SEM1: variants seen among roughly 807,000 people sequenced by gnomAD.
SEM1 encodes SEM1 26S proteasome subunit, also known as 26S proteasome complex subunit SEM1.
SEM1 carries 3 observed loss-of-function variants against 12.7 expected under a neutral mutation model. That is an observed-to-expected ratio of 0.24 (90% CI 0.11 to 0.61). SEM1 has a LOEUF of 0.61. Among genes scored for constraint, SEM1 ranks in the 20% least tolerant of loss-of-function variants. The pLI is 0.88. For missense variants in SEM1, 59 were observed against 81.3 expected (o/e 0.73, Z 1.06); for synonymous variants, 30 against 27.8 (o/e 1.08, Z -0.25).
chr7:96,608,483 G>A (rs1301226836), intron 2 of SEM1, among the ~76,000 whole-genome samples: 1 of 152,026 alleles, frequency 6.6e-6, no homozygotes, highest in African/African-American at 2.4e-5. Context: ...ATGGTTTCCA[G>A]AATATTTACA....
At chr7:96,652,553 ATTATT>A (rs1483290828) in intron 2 of SEM1, among the ~76,000 whole-genome samples, 1 of 152,084 alleles carries the variant, frequency 6.6e-6, no homozygotes, top group Non-Finnish European at 1.5e-5. Context: ...CATTATTTGG[ATTATT>A]TTAATTTTTA....
intron 2 of SEM1, among the ~76,000 whole-genome samples, chr7:96,563,061 G>C (rs1045915280): frequency 2.0e-5 from 3 of 152,128 alleles, no homozygotes; most frequent in African/African-American, 7.2e-5. Context: ...AGAGGGTCAA[G>C]ATTCAAATGA....
downstream of SEM1, chr7:96,673,176 T>TGCAATCTCGGCTCACG (rs1258001083): frequency 6.6e-6 from 1 of 152,130 alleles, no homozygotes; most frequent in Non-Finnish European, 1.5e-5. Flanking sequence ...GATGCAGTGG[T>TGCAATCTCGGCTCACG]GCAATCTCGG....
At chr7:96,588,668 A>T (rs530371804) in intron 2 of SEM1, among the ~76,000 whole-genome samples, 1 of 152,166 alleles carries the variant, frequency 6.6e-6, no homozygotes, top group Admixed American at 6.5e-5. Context: ...CAGGAGGCTG[A>T]GGCAGGAGGA....
At chr7:96,501,438 A>G (rs1300404144) in intron 3 of SEM1, among the ~76,000 whole-genome samples, 1 of 152,040 alleles carries the variant, frequency 6.6e-6, no homozygotes, top group African/African-American at 2.4e-5. Flanking sequence ...TAGACCTTTC[A>G]CACACACACA....
chr7:96,629,991 C>T (rs535376289), intron 2 of SEM1, among the ~76,000 whole-genome samples: 74 of 152,340 alleles, frequency 4.9e-4, no homozygotes, highest in African/African-American at 1.7e-3. Context: ...CAGAGCCTCT[C>T]TCTCTGTTCT....
chr7:96,600,985 C>T (rs1008891081), intron 2 of SEM1, among the ~76,000 whole-genome samples: 5 of 152,152 alleles, frequency 3.3e-5, no homozygotes, highest in Admixed American at 2.0e-4. Flanking sequence ...AGAAGAGATG[C>T]TTGTACAGAT....
chr7:96,638,477 A>C (rs1433502647), intron 2 of SEM1, among the ~76,000 whole-genome samples: 2 of 152,138 alleles, frequency 1.3e-5, no homozygotes, highest in Non-Finnish European at 2.9e-5. Context: ...TACAAAATAA[A>C]TGCATTTGTG....
intron 2 of SEM1, among the ~76,000 whole-genome samples, chr7:96,667,588 G>A (rs1197792406): frequency 5.3e-5 from 8 of 152,026 alleles, no homozygotes; most frequent in Admixed American, 2.0e-4. Flanking sequence ...GAATGTCACC[G>A]CTGGAGGTTC....
chr7:96,616,748 TTTCATTATTC>T (rs1318818713), intron 2 of SEM1, among the ~76,000 whole-genome samples: 1 of 152,170 alleles, frequency 6.6e-6, no homozygotes, highest in African/African-American at 2.4e-5. Context: ...ATGGGTCCAG[TTTCATTATTC>T]TACATATGGC....
At chr7:96,560,783 T>C (rs984278742) in intron 2 of SEM1, among the ~76,000 whole-genome samples, 45 of 152,040 alleles carry the variant, frequency 3.0e-4, no homozygotes, top group African/African-American at 1.0e-3. Context: ...ATGGCAGTTG[T>C]GTGGTAGGGC....
intron 2 of SEM1, among the ~76,000 whole-genome samples, chr7:96,641,182 AC>A (rs1184605555): frequency 6.6e-6 from 1 of 151,708 alleles, no homozygotes; most frequent in Non-Finnish European, 1.5e-5. Flanking sequence ...AAATAAATCC[AC>A]TTTATATCAA....
chr7:96,566,824 T>C (rs992795713), intron 2 of SEM1, among the ~76,000 whole-genome samples: 3 of 151,686 alleles, frequency 2.0e-5, no homozygotes, highest in Admixed American at 6.6e-5. Context: ...TAAATCCATC[T>C]GAAGTAAGAA....
chr7:96,582,872 T>C (rs2116070687), intron 2 of SEM1, among the ~76,000 whole-genome samples: 1 of 152,362 alleles, frequency 6.6e-6, no homozygotes, highest in South Asian at 2.1e-4. Flanking sequence ...TTTTCTTCTT[T>C]ATTAGTCTTG....
intron 2 of SEM1, among the ~76,000 whole-genome samples, chr7:96,580,890 T>C (rs966788275): frequency 2.1e-4 from 32 of 152,166 alleles, no homozygotes; most frequent in Admixed American, 1.0e-3. Flanking sequence ...GATGAGTAGG[T>C]TGCAAAAATT....
intron 2 of SEM1, among the ~76,000 whole-genome samples, chr7:96,644,421 A>AT (rs1808719113): frequency 6.6e-6 from 1 of 151,756 alleles, no homozygotes; most frequent in Non-Finnish European, 1.5e-5. Flanking sequence ...ATTTTTATGT[A>AT]TTTTTCTGTC....
At chr7:96,486,500 T>TGG in intron 1 of SEM1, 5 of 1,097,804 alleles carry the variant, frequency 4.6e-6, no homozygotes, top group Non-Finnish European at 5.3e-6. Context: ...CACCTGGCCC[T>TGG]GTGTCTTCTC....
intron 2 of SEM1, among the ~76,000 whole-genome samples, chr7:96,531,053 A>T (rs1804625095): frequency 6.6e-6 from 1 of 152,084 alleles, no homozygotes; most frequent in Non-Finnish European, 1.5e-5. Flanking sequence ...GGAAGGGAAA[A>T]AGACTATCTT....
At chr7:96,667,852 C>G (rs1352433848) in intron 2 of SEM1, among the ~76,000 whole-genome samples, 1 of 152,158 alleles carries the variant, frequency 6.6e-6, no homozygotes, top group South Asian at 2.1e-4. Flanking sequence ...GTAAATATGA[C>G]CTGGTTAAAA....
Sources: gnomAD v4.1 joint callset for allele counts (sites outside exome capture counted in the v4.1 genomes callset) on GRCh38, gnomAD v4.1.1 for gene constraint, MANE v1.5 for transcripts, NCBI Gene and HGNC (gene_info 2026-07-23, HGNC 2026-07-21) for gene names.